VPS53: variants seen among roughly 807,000 people sequenced by gnomAD.
VPS53 encodes vacuolar protein sorting-associated protein 53 homolog.
Under a neutral mutation model 107.0 loss-of-function variants are expected in VPS53, and 70 were observed. That is an observed-to-expected ratio of 0.65 (90% CI 0.54 to 0.80). The LOEUF (loss-of-function observed/expected upper bound fraction) is 0.80, where lower values mean the gene tolerates loss of function less well. Ranked by LOEUF, VPS53 falls within the 30% of genes least tolerant of loss-of-function variation. VPS53 has a pLI of 0.00. For synonymous variants in VPS53, 409 were observed against 393.3 expected, an observed-to-expected ratio of 1.04 and a Z score of -0.47; for missense variants, 917 against 1,049.4, an observed-to-expected ratio of 0.87 and a Z score of 1.74.
chr17:517,195 C>T lies in VPS53; in HGVS notation c.*1933G>A, dbSNP rs1350684978. 1 of 360,452 alleles carries T rather than the reference C, an allele frequency of 2.8e-6. No homozygotes were observed. The highest frequency in any genetic ancestry group is 2.1e-5 in the African/African-American group (1 of 47,772). The allele number at this position is 360,452 out of a possible 1,614,324, so 22.3% of individuals were successfully genotyped here. On this transcript the variant is annotated 3_prime_UTR_variant, in exon 22 of 22. Coordinates refer to ENST00000437048, the MANE Select transcript of VPS53 (RefSeq NM_001128159.3). ...CCCCCGCCCTTGTCTTATTTGGAAT[C>T]TTTTCCTAATAGACCTCAACTGAAG...
chr17:608,233 T>C (rs1968674396), intron 11 of VPS53, among the ~76,000 whole-genome samples: 1 of 152,126 alleles, frequency 6.6e-6, no homozygotes, highest in South Asian at 2.1e-4. Flanking sequence ...ATTGCAACAG[T>C]TATGTACAGA....
At chr17:610,800 T>C (rs957092321) in intron 11 of VPS53, among the ~76,000 whole-genome samples, 2 of 149,136 alleles carry the variant, frequency 1.3e-5, no homozygotes, top group Admixed American at 6.7e-5. Context: ...TAGCCTGGCA[T>C]GGTGCTGCGC....
intron 5 of VPS53, among the ~76,000 whole-genome samples, chr17:660,154 G>A (rs148872265): frequency 1.4e-3 from 215 of 152,334 alleles, no homozygotes; most frequent in African/African-American, 4.8e-3. Flanking sequence ...GACAGATCTA[G>A]GGCTGAACCC....
intron 4 of VPS53, among the ~76,000 whole-genome samples, chr17:663,228 G>A (rs552235143): frequency 3.3e-5 from 5 of 152,152 alleles, no homozygotes; most frequent in Non-Finnish European, 7.4e-5. Context: ...AGCTAATGGT[G>A]AGCCCAGCAT....
At chr17:613,067 C>A (rs1052890857) in intron 11 of VPS53, among the ~76,000 whole-genome samples, 2 of 149,782 alleles carry the variant, frequency 1.3e-5, no homozygotes, top group African/African-American at 4.9e-5. Context: ...AAAACCTGTA[C>A]AAATATTCAC....
rs1484697913 is a variant in VPS53, at chr17:516,886, T to A, written c.*2242A>T. 1.3e-5 allele frequency: 2 copies of A among 152,342 alleles called. No homozygotes were observed. Among genetic ancestry groups the A allele is most frequent in the Non-Finnish European group, 2.9e-5 (2 of 68,080 alleles). The allele number at this position is 152,342 out of a possible 1,614,324, so 9.4% of individuals were successfully genotyped here. A position where few individuals can be genotyped will look rare whatever the true frequency, so the allele number is the denominator to read the frequency against. The stretch of plus-strand genomic sequence containing the variant: ...GGAAAACAGCAGCTTGATAGCTCAA[T>A]GCTGTGATGGAGCCGTCCGGAAAAC... On this transcript the variant is annotated 3_prime_UTR_variant, in exon 22 of 22. Transcript: ENST00000437048.
At chr17:702,718 TAGTC>T (rs1973254298) in intron 2 of VPS53, among the ~76,000 whole-genome samples, 1 of 152,208 alleles carries the variant, frequency 6.6e-6, no homozygotes, top group Non-Finnish European at 1.5e-5. Flanking sequence ...CACTATTTGA[TAGTC>T]AGGTGGCCTT....
intron 4 of VPS53, chr17:674,141 G>A (rs1232508497): frequency 6.6e-6 from 1 of 152,190 alleles, no homozygotes; most frequent in Non-Finnish European, 1.5e-5. Flanking sequence ...AAAAGACAAG[G>A]AAACGTTTAA....
intron 17 of VPS53, among the ~76,000 whole-genome samples, chr17:545,926 G>A (rs78403264): frequency 0.057 from 8,610 of 152,272 alleles, 368 homozygotes; most frequent in Non-Finnish European, 0.082. Flanking sequence ...AACAAAGTTG[G>A]AAGACTCATA....
At chr17:695,525 AT>A (rs1972928132) in intron 4 of VPS53, among the ~76,000 whole-genome samples, 1 of 152,258 alleles carries the variant, frequency 6.6e-6, no homozygotes, top group Non-Finnish European at 1.5e-5. Flanking sequence ...GGAGACCAGA[AT>A]TTTGAATGCC....
At chr17:589,765 T>C (rs1224510639) in intron 12 of VPS53, among the ~76,000 whole-genome samples, 2 of 152,138 alleles carry the variant, frequency 1.3e-5, no homozygotes, top group Non-Finnish European at 2.9e-5. Context: ...TACCATGCTG[T>C]TTTGGTTACT....
chr17:536,921 A>G, intron 18 of VPS53, 107 bp downstream of exon 18: 1 of 1,423,794 alleles, frequency 7.0e-7, no homozygotes, highest in Non-Finnish European at 9.5e-7. Flanking sequence ...TACACGGGAA[A>G]TCTCTGTGCT....
intron 7 of VPS53, among the ~76,000 whole-genome samples, chr17:643,033 C>CAACACTCATACTTGGAAAGCGAGGAA: frequency 7.7e-6 from 1 of 130,358 alleles, no homozygotes; most frequent in South Asian, 2.7e-4. Flanking sequence ...AAAGCGAGGA[C>CAACACTCATACTTGGAAAGCGAGGAA]AACACTCATA....
intron 19 of VPS53, among the ~76,000 whole-genome samples, chr17:523,776 A>G (rs998794371): frequency 1.9e-4 from 29 of 152,156 alleles, no homozygotes; most frequent in Admixed American, 1.7e-3. Context: ...AATTCTTACT[A>G]TCCTAGTGTC....
intron 4 of VPS53, among the ~76,000 whole-genome samples, chr17:681,074 G>A (rs1972374691): frequency 6.6e-6 from 1 of 152,112 alleles, no homozygotes; most frequent in African/African-American, 2.4e-5. Context: ...TAAATTACAT[G>A]TTTTTTGAAA....
chr17:697,342 A>T lies in VPS53; in HGVS notation c.285+76T>A. On this transcript the variant is annotated intron_variant, in intron 4 of 21. Coordinates refer to ENST00000437048, the MANE Select transcript of VPS53 (RefSeq NM_001128159.3). ...ATCGGAAAGTGCTCTGCAAGAGGGCACATCGACGTTTTGGTCATCTGGTTG... is the reference window on the plus strand; with the variant it reads ...ATCGGAAAGTGCTCTGCAAGAGGGCTCATCGACGTTTTGGTCATCTGGTTG... 8 of 1,198,170 alleles carry T rather than the reference A, an allele frequency of 6.7e-6. No homozygotes were observed. In the South Asian group the frequency reaches 9.7e-5, roughly 15 times the overall value. 74.2% of individuals were successfully genotyped at this position (1,198,170 alleles called of 1,614,324 possible).
At chr17:697,214 C>T (rs1206350966) in intron 4 of VPS53, among the ~76,000 whole-genome samples, 1 of 152,200 alleles carries the variant, frequency 6.6e-6, no homozygotes, top group Non-Finnish European at 1.5e-5. Context: ...CTCGGGTGAG[C>T]GGTGCCACAG....
intron 17 of VPS53, among the ~76,000 whole-genome samples, chr17:550,006 C>G (rs1336567293): frequency 6.6e-6 from 1 of 152,212 alleles, no homozygotes; most frequent in Non-Finnish European, 1.5e-5. Context: ...CAAATGTCTG[C>G]TTACACAACC....
chr17:686,162 T>C (rs1438078885), intron 4 of VPS53, among the ~76,000 whole-genome samples: 1 of 151,842 alleles, frequency 6.6e-6, no homozygotes, highest in African/African-American at 2.4e-5. Context: ...CTACAAAAAG[T>C]GTTTTAAAAC....
Sources: gnomAD v4.1 joint callset for allele counts (sites outside exome capture counted in the v4.1 genomes callset) on GRCh38, gnomAD v4.1.1 for gene constraint, MANE v1.5 for transcripts, NCBI Gene and HGNC (gene_info 2026-07-23, HGNC 2026-07-21) for gene names.